The following ZNF827 variants were observed in gnomAD, a reference collection of about 807,000 sequenced individuals.
The protein encoded by ZNF827 is zinc finger protein 827.
In ZNF827, 13 loss-of-function variants were observed where a neutral mutation model predicts 102.4. That is an observed-to-expected ratio of 0.13 (90% confidence interval 0.08 to 0.20). The LOEUF (loss-of-function observed/expected upper bound fraction) is 0.20. Among genes scored for constraint, ZNF827 ranks in the 10% least tolerant of loss-of-function variants. ZNF827 has a pLI of 1.00. For synonymous variants in ZNF827, 523 were observed against 536.2 expected, an observed-to-expected ratio of 0.98 and a Z score of 0.34; for missense variants, 1,103 against 1,344.4, an observed-to-expected ratio of 0.82 and a Z score of 2.81.
Position 145,760,983 on chromosome 4 carries a change from G to A in ZNF827, c.*633C>T. ...CAAAGCGCAAAGGGGAGCCGTTGAAGGCCAAAGCCTTGAGTGCCAGGTTGG... is the reference window on the plus strand; with the variant it reads ...CAAAGCGCAAAGGGGAGCCGTTGAAAGCCAAAGCCTTGAGTGCCAGGTTGG... On this transcript the variant is annotated 3_prime_UTR_variant, in exon 15 of 15. Coordinates refer to ENST00000508784, the MANE Select transcript of ZNF827 (RefSeq NM_001306215.2). The A allele has an allele frequency of 8.0e-7, 1 of 1,251,732 alleles. No individual in the cohort carries two copies. The highest frequency in any genetic ancestry group is 2.2e-4 in the Middle Eastern group (1 of 4,488). The allele number at this position is 1,251,732 out of a possible 1,614,324, so 77.5% of individuals were successfully genotyped here. A position where few individuals can be genotyped will look rare whatever the true frequency, so the allele number is the denominator to read the frequency against.
At chr4:145,872,024 C>T (rs1298399274) in intron 4 of ZNF827, among the ~76,000 whole-genome samples, 1 of 152,184 alleles carries the variant, frequency 6.6e-6, no homozygotes, top group African/African-American at 2.4e-5. Context: ...CAAATACTAC[C>T]TGCTCAGTGA....
chr4:145,810,700 AAT>A (rs1183941055), intron 8 of ZNF827, among the ~76,000 whole-genome samples: 1 of 152,170 alleles, frequency 6.6e-6, no homozygotes. Context: ...TTTATCTAAC[AAT>A]ATGTCTTGGG....
At chr4:145,820,423 C>T (rs551138143) in intron 8 of ZNF827, among the ~76,000 whole-genome samples, 4 of 152,110 alleles carry the variant, frequency 2.6e-5, no homozygotes, top group Non-Finnish European at 5.9e-5. Context: ...TGAACAAAGA[C>T]GTTTGCTAAG....
At chr4:145,774,339 T>C (rs1226218061) in intron 11 of ZNF827, among the ~76,000 whole-genome samples, 167 bp downstream of exon 11, 1 of 152,162 alleles carries the variant, frequency 6.6e-6, no homozygotes, top group Non-Finnish European at 1.5e-5. Context: ...GGAAACAGTA[T>C]TATGACTACA....
intron 8 of ZNF827, among the ~76,000 whole-genome samples, chr4:145,812,843 T>C (rs1742171979): frequency 6.6e-6 from 1 of 152,206 alleles, no homozygotes; most frequent in Admixed American, 6.5e-5. Context: ...CATTTTATTC[T>C]AAAAGGAGAG....
At chr4:145,779,327 T>C in intron 9 of ZNF827, 47 bp downstream of exon 9, 1 of 1,589,132 alleles carries the variant, frequency 6.3e-7, no homozygotes, top group Non-Finnish European at 8.5e-7. Context: ...GTAAAGAAGT[T>C]GGTGATGGAG....
rs1158693450 is a variant in ZNF827, at chr4:145,759,733, C to T, written c.*1883G>A. On this transcript the variant is annotated 3_prime_UTR_variant, in exon 15 of 15. Transcript: ENST00000508784. The stretch of plus-strand genomic sequence containing the variant: ...AACAAAAACTAGTGCAAGACCATAG[C>T]ACTGTGCAAAACTGCCATTTCTTTT... 6.6e-6 allele frequency: 1 copy of T among 151,972 alleles called. No homozygotes were observed. Among genetic ancestry groups the T allele is most frequent in the African/African-American group, 2.4e-5 (1 of 41,372 alleles). The allele number at this position is 151,972 out of a possible 1,614,324, so 9.4% of individuals were successfully genotyped here. A position where few individuals can be genotyped will look rare whatever the true frequency, so the allele number is the denominator to read the frequency against.
At chr4:145,880,826 C>A (rs1308290385) in intron 4 of ZNF827, among the ~76,000 whole-genome samples, 1 of 152,154 alleles carries the variant, frequency 6.6e-6, no homozygotes, top group Admixed American at 6.5e-5. Context: ...GAGGGCATGC[C>A]CAGGCGTGGG....
intron 8 of ZNF827, among the ~76,000 whole-genome samples, chr4:145,782,667 C>T (rs765002818): frequency 2.6e-5 from 4 of 152,168 alleles, no homozygotes; most frequent in Non-Finnish European, 4.4e-5. Context: ...ATGATCTTTC[C>T]GAGGCACAAA....
intron 4 of ZNF827, chr4:145,870,773 T>C (rs550904307): frequency 3.4e-6 from 1 of 290,450 alleles, no homozygotes; most frequent in South Asian, 6.4e-5. Context: ...TCTTGTTTCC[T>C]GTGTATGCCA....
intron 6 of ZNF827, among the ~76,000 whole-genome samples, chr4:145,848,290 C>T (rs1436489306): frequency 2.6e-5 from 4 of 152,172 alleles, no homozygotes; most frequent in African/African-American, 7.2e-5. Context: ...CAAATACCAT[C>T]CCTGTTTGAG....
chr4:145,925,191 G>A (rs182988788), intron 1 of ZNF827, among the ~76,000 whole-genome samples: 24 of 152,148 alleles, frequency 1.6e-4, no homozygotes, highest in African/African-American at 3.9e-4. Flanking sequence ...CAATTACCTC[G>A]CACTAGATCC....
At chr4:145,841,855 T>C (rs1745451088) in intron 7 of ZNF827, among the ~76,000 whole-genome samples, 1 of 152,088 alleles carries the variant, frequency 6.6e-6, no homozygotes, top group Non-Finnish European at 1.5e-5. Context: ...TGGTGGATTG[T>C]TTTTCTCCTT....
chr4:145,890,151 A>G (rs371261412), intron 3 of ZNF827, among the ~76,000 whole-genome samples: 1 of 152,174 alleles, frequency 6.6e-6, no homozygotes, highest in East Asian at 1.9e-4. Flanking sequence ...TGCTTTGATT[A>G]AAAAAAGAAC....
chr4:145,814,214 T>C (rs1473338725), intron 8 of ZNF827, among the ~76,000 whole-genome samples: 2 of 152,234 alleles, frequency 1.3e-5, no homozygotes, highest in African/African-American at 4.8e-5. Context: ...TGAAATACTC[T>C]TCTGATCCCA....
intron 7 of ZNF827, among the ~76,000 whole-genome samples, chr4:145,833,967 C>G (rs1044990200): frequency 3.9e-5 from 6 of 151,936 alleles, no homozygotes; most frequent in African/African-American, 1.5e-4. Context: ...TCTACTCTCT[C>G]TTTTCTCTAG....
intron 7 of ZNF827, among the ~76,000 whole-genome samples, chr4:145,834,513 T>C (rs1420863547): frequency 1.3e-5 from 2 of 152,112 alleles, no homozygotes; most frequent in Admixed American, 6.5e-5. Context: ...TCCTCACACC[T>C]GGTCCGGCTT....
At position 145,765,611 on chromosome 4, in the gene ZNF827, C is replaced by G; in HGVS notation, c.2988G>C (p.Leu996=). ...TCCCAGGCATGACAGAGATGACCAGCAGATTGTTCCCGCCCTTGTTTTTCT... is the reference window on the plus strand; with the variant it reads ...TCCCAGGCATGACAGAGATGACCAGGAGATTGTTCCCGCCCTTGTTTTTCT... ...GSQKNKGGNN[L]LVISVMPGSQ... Residue 996 remains leucine, a synonymous_variant, in exon 12 of 15, where the codon CTG becomes CTC. Coordinates refer to ENST00000508784, the MANE Select transcript of ZNF827 (RefSeq NM_001306215.2). This position sits in a 1 kb window ranked among gnomAD's most constrained non-coding sequence, Gnocchi z 4.7. The G allele has an allele frequency of 6.2e-7, 1 of 1,614,134 alleles. No homozygotes were observed.
At chr4:145,772,781 C>T (rs543735310) in intron 11 of ZNF827, among the ~76,000 whole-genome samples, 3 of 152,340 alleles carry the variant, frequency 2.0e-5, no homozygotes, top group African/African-American at 7.2e-5. Context: ...GCATTTCACT[C>T]TTGGGTGACT....
Sources: allele counts gnomAD v4.1 joint callset (sites outside exome capture counted in the v4.1 genomes callset), GRCh38; gene constraint gnomAD v4.1.1; non-coding constraint Gnocchi (gnomAD v3.1); transcripts MANE v1.5; gene names NCBI Gene and HGNC (gene_info 2026-07-23, HGNC 2026-07-21).